IQSEC1: variants seen among roughly 807,000 people sequenced by gnomAD.
IQSEC1 encodes the protein IQ motif and SEC7 domain-containing protein 1.
A neutral mutation model predicts 91.0 loss-of-function variants in IQSEC1; 31 were observed. That is an observed-to-expected ratio of 0.34 (90% CI 0.26 to 0.46). IQSEC1 has a LOEUF of 0.46. IQSEC1 is among the 20% of genes least tolerant of loss of function. The pLI is 1.00. For synonymous variants in IQSEC1, 699 were observed against 662.6 expected (o/e 1.05, Z -0.84); for missense variants, 1,388 against 1,575.6 (o/e 0.88, Z 2.02).
At chr3:12,959,287 A>C (rs1700100798) in intron 1 of IQSEC1, among the ~76,000 whole-genome samples, 1 of 152,176 alleles carries the variant, frequency 6.6e-6, no homozygotes, top group East Asian at 1.9e-4. Context: ...GCCTGGCTAC[A>C]CGTCCTGGCA....
rs1260647808 is a variant in IQSEC1 at position 12,954,381 on chromosome 3, G to A, written c.24-12516C>T. 6.6e-5 allele frequency among the ~76,000 whole-genome samples: 10 copies of A among 152,300 alleles called. No individual in the cohort carries two copies. In the East Asian group the frequency reaches 1.9e-3, roughly 30 times the overall value. On this transcript the variant is annotated intron_variant, in intron 1 of 13. Transcript: ENST00000613206. ...CAGGGGCTCGCATGGGAAAGAGCCC[G>A]AGGGCCTTGGTGGCTGTGGATCAAT...
At chr3:12,904,057 A>G (rs935121309) in intron 12 of IQSEC1, among the ~76,000 whole-genome samples, 1 of 152,162 alleles carries the variant, frequency 6.6e-6, no homozygotes, top group Non-Finnish European at 1.5e-5. Flanking sequence ...GGGCCTCCCC[A>G]CTGTGCCCCG....
intron 1 of IQSEC1, among the ~76,000 whole-genome samples, chr3:12,963,049 G>A (rs1453480857): frequency 1.3e-5 from 2 of 152,248 alleles, no homozygotes; most frequent in Non-Finnish European, 2.9e-5. Context: ...CCTGAAGCCA[G>A]GCAGGCGGAG....
chr3:12,969,695 C>T (rs930159247), intron 1 of IQSEC1, among the ~76,000 whole-genome samples: 9 of 152,236 alleles, frequency 5.9e-5, no homozygotes, highest in African/African-American at 1.9e-4. Context: ...GACAGCCTCA[C>T]CATCCGGATT....
chr3:13,166,404 T>C (rs1693496688), intron 1 of IQSEC1, among the ~76,000 whole-genome samples: 1 of 152,182 alleles, frequency 6.6e-6, no homozygotes, highest in African/African-American at 2.4e-5. Flanking sequence ...GGCTGAGGCA[T>C]AGCAGTGCAG....
intron 1 of IQSEC1, among the ~76,000 whole-genome samples, chr3:12,985,495 C>A (rs908587577): frequency 6.6e-6 from 1 of 152,000 alleles, no homozygotes; most frequent in South Asian, 2.1e-4. Flanking sequence ...AACAATCCCC[C>A]CCCCCCCGCC....
At chr3:13,055,135 T>C (rs1704829237) in intron 1 of IQSEC1, among the ~76,000 whole-genome samples, 2 of 152,132 alleles carry the variant, frequency 1.3e-5, no homozygotes, top group South Asian at 4.1e-4. Context: ...AGTGCGGCGA[T>C]TGTCCCGGGG....
At chr3:12,911,487 G>A in intron 10 of IQSEC1, 142 bp downstream of exon 10, 1 of 668,402 alleles carries the variant, frequency 1.5e-6, no homozygotes, top group Non-Finnish European at 2.7e-6. Context: ...GCTCACCGGA[G>A]CTCCTAGCTG....
chr3:13,009,098 A>G (rs1576157762), intron 1 of IQSEC1, among the ~76,000 whole-genome samples: 1 of 152,224 alleles, frequency 6.6e-6, no homozygotes, highest in Admixed American at 6.5e-5. Context: ...AGGAATCCTG[A>G]CAGCCTGTGA....
chr3:13,112,851 A>T (rs763882916), intron 2 of IQSEC1, among the ~76,000 whole-genome samples: 2 of 152,248 alleles, frequency 1.3e-5, no homozygotes, highest in Non-Finnish European at 2.9e-5. Flanking sequence ...AGTGGAAGCC[A>T]CCACTGAGGT....
At chr3:13,168,550 C>T (rs1243591873) in intron 1 of IQSEC1, among the ~76,000 whole-genome samples, 1 of 152,200 alleles carries the variant, frequency 6.6e-6, no homozygotes, top group Non-Finnish European at 1.5e-5. Flanking sequence ...GAACAAAATT[C>T]AAACTCCACA....
chr3:13,032,048 G>A (rs982729855), intron 1 of IQSEC1, among the ~76,000 whole-genome samples: 6 of 152,092 alleles, frequency 3.9e-5, no homozygotes, highest in Non-Finnish European at 7.4e-5. Flanking sequence ...TGTTACCATT[G>A]TATCCCATTT....
At chr3:13,242,281 C>A (rs938860057) in intron 1 of IQSEC1, among the ~76,000 whole-genome samples, 1 of 152,256 alleles carries the variant, frequency 6.6e-6, no homozygotes, top group South Asian at 2.1e-4. Context: ...GAAGTCCTGG[C>A]CTACAGAATA....
chr3:12,903,059 ATTC>A (rs1474138766), intron 12 of IQSEC1, among the ~76,000 whole-genome samples: 1 of 152,174 alleles, frequency 6.6e-6, no homozygotes, highest in African/African-American at 2.4e-5. Flanking sequence ...CAAAAAAAAA[ATTC>A]TTTTTTAAAC....
At chr3:13,151,742 G>C (rs537038197) in intron 2 of IQSEC1, among the ~76,000 whole-genome samples, 1 of 152,286 alleles carries the variant, frequency 6.6e-6, no homozygotes, top group African/African-American at 2.4e-5. Context: ...GAGGCGGGAG[G>C]ATCACCTGAG....
At chr3:13,026,862 CA>C (rs367777476) in intron 1 of IQSEC1, among the ~76,000 whole-genome samples, 1,422 of 109,596 alleles carry the variant, frequency 0.013, 26 homozygotes, top group African/African-American at 0.043. Context: ...ATTATCTCCC[CA>C]GTTTTTTTTT....
intron 1 of IQSEC1, chr3:13,047,443 CCTGGGGCAGG>C: frequency 1.0e-6 from 1 of 983,094 alleles, no homozygotes; most frequent in Non-Finnish European, 1.2e-6. Context: ...CTAAGGAGAT[CCTGGGGCAGG>C]CTGGGGTGGA....
chr3:13,011,630 C>G (rs1288576129), intron 1 of IQSEC1, among the ~76,000 whole-genome samples: 1 of 152,204 alleles, frequency 6.6e-6, no homozygotes, highest in Non-Finnish European at 1.5e-5. Flanking sequence ...ACTGTGTAAA[C>G]TCGGCACCAA....
At chr3:12,988,844 G>A (rs1453217592) in intron 1 of IQSEC1, among the ~76,000 whole-genome samples, 3 of 152,206 alleles carry the variant, frequency 2.0e-5, no homozygotes, top group African/African-American at 7.2e-5. Flanking sequence ...TGATAAGGGT[G>A]GGGAAAGGCA....
Sources: gnomAD v4.1 joint callset for allele counts (sites outside exome capture counted in the v4.1 genomes callset) on GRCh38, gnomAD v4.1.1 for gene constraint, MANE v1.5 for transcripts, NCBI Gene and HGNC (gene_info 2026-07-23, HGNC 2026-07-21) for gene names.